The following KLF12 variants were observed in gnomAD, a reference collection of about 807,000 sequenced individuals.
KLF12 encodes KLF transcription factor 12.
Under a neutral mutation model 37.8 loss-of-function variants are expected in KLF12, and 9 were observed. The ratio of observed to expected loss-of-function variants is 0.24; its 90% CI spans 0.14 to 0.42. The LOEUF (loss-of-function observed/expected upper bound fraction) is 0.42. Among genes scored for constraint, KLF12 ranks in the 10% least tolerant of loss-of-function variants. The pLI is 1.00. For missense variants in KLF12, 411 were observed against 516.0 expected (o/e 0.80, Z 1.97); for synonymous variants, 208 against 202.1 (o/e 1.03, Z -0.25).
At chr13:73,948,125 G>A (rs1026420589) in intron 2 of KLF12, among the ~76,000 whole-genome samples, 3 of 151,988 alleles carry the variant, frequency 2.0e-5, no homozygotes, top group African/African-American at 4.8e-5. Flanking sequence ...AGAATATGTC[G>A]CCCCTGCCCC....
At chr13:74,040,524 G>C (rs975294721) in intron 1 of KLF12, among the ~76,000 whole-genome samples, 11 of 152,132 alleles carry the variant, frequency 7.2e-5, no homozygotes, top group African/African-American at 2.7e-4. Context: ...AAGACTTCCA[G>C]TATAAAAAAC....
chr13:73,930,279 G>A (rs1054987656), intron 3 of KLF12, among the ~76,000 whole-genome samples: 6 of 152,024 alleles, frequency 3.9e-5, no homozygotes, highest in Admixed American at 2.0e-4. Flanking sequence ...TTTAAAAAAC[G>A]CAAATATCTA....
chr13:74,200,872 T>C, the KLF12 span, among the ~76,000 whole-genome samples: 1 of 152,172 alleles, frequency 6.6e-6, no homozygotes, highest in Admixed American at 6.5e-5. Context: ...AGATGAACTT[T>C]ATGGGAATGT....
At chr13:74,245,901 A>T in the KLF12 span, among the ~76,000 whole-genome samples, 1 of 152,264 alleles carries the variant, frequency 6.6e-6, no homozygotes, top group African/African-American at 2.4e-5. Context: ...TGTATGTTAA[A>T]GTATCAATGA....
the KLF12 span, among the ~76,000 whole-genome samples, chr13:74,245,681 A>T: frequency 6.6e-6 from 1 of 152,182 alleles, no homozygotes; most frequent in Non-Finnish European, 1.5e-5. Flanking sequence ...TATTTTATAC[A>T]TAAAATTTGT....
At chr13:74,276,067 C>T in the KLF12 span, among the ~76,000 whole-genome samples, 7 of 151,442 alleles carry the variant, frequency 4.6e-5, no homozygotes, top group East Asian at 5.8e-4. Flanking sequence ...CCCATCAACC[C>T]GTCATCTAGG....
Position 73,749,100 on chromosome 13 carries a change from C to T in KLF12, c.869+15838G>A, listed in dbSNP as rs1291131185. ...CTTTTCAGTGTGTGTTCTAAGACCA[C>T]GGGCCCTCAGCTTGCTACAATCCTA... On this transcript the variant is annotated intron_variant, in intron 6 of 7. Transcript: ENST00000377669. Among the ~76,000 whole-genome samples the T allele has an allele frequency of 5.3e-5, 8 of 152,122 alleles. No homozygotes were observed. The East Asian group carries it at 5.8e-4, about 11-fold the overall frequency.
At chr13:74,235,932 T>C in the KLF12 span, among the ~76,000 whole-genome samples, 1 of 106,114 alleles carries the variant, frequency 9.4e-6, no homozygotes, top group African/African-American at 2.5e-5. Flanking sequence ...TTTTTTAGTT[T>C]ATTTTTTTTA....
chr13:74,013,180 G>A (rs576474909), intron 1 of KLF12, among the ~76,000 whole-genome samples: 1 of 152,346 alleles, frequency 6.6e-6, no homozygotes, highest in East Asian at 1.9e-4. Context: ...GGCTGTGCCT[G>A]AAGTTACCAA....
At chr13:74,265,138 T>G in the KLF12 span, among the ~76,000 whole-genome samples, 1 of 152,162 alleles carries the variant, frequency 6.6e-6, no homozygotes, top group Non-Finnish European at 1.5e-5. Context: ...ATGAGGGAAC[T>G]ACTAGTATCT....
At chr13:74,044,860 C>CAA (rs34045412) in intron 1 of KLF12, among the ~76,000 whole-genome samples, 39 of 96,840 alleles carry the variant, frequency 4.0e-4, no homozygotes, top group South Asian at 1.6e-3. Context: ...CAGAAAGTCT[C>CAA]AAAAAAAAAA....
intron 6 of KLF12, among the ~76,000 whole-genome samples, chr13:73,724,399 T>C (rs17090380): frequency 0.15 from 23,175 of 152,062 alleles, 2,911 homozygotes; most frequent in African/African-American, 0.35. Context: ...AGTACTTAAG[T>C]TAACATGAAT....
chr13:74,073,964 T>C (rs4384504), intron 1 of KLF12, among the ~76,000 whole-genome samples: 1,547 of 152,342 alleles, frequency 0.01, 20 homozygotes, highest in African/African-American at 0.035. Flanking sequence ...TGCCCCATTT[T>C]ATATTTTCAA....
At chr13:73,999,588 A>AG (rs1892216068) in intron 1 of KLF12, among the ~76,000 whole-genome samples, 1 of 151,226 alleles carries the variant, frequency 6.6e-6, no homozygotes, top group Admixed American at 6.6e-5. Context: ...AAAAAAAAAA[A>AG]AATTAGCCAG....
intron 1 of KLF12, among the ~76,000 whole-genome samples, chr13:74,078,161 A>G (rs1473132230): frequency 1.3e-5 from 2 of 152,216 alleles, no homozygotes; most frequent in Admixed American, 6.5e-5. Flanking sequence ...GGAACCTACA[A>G]GAGCAGATTT....
intron 3 of KLF12, among the ~76,000 whole-genome samples, chr13:73,937,210 A>T (rs1465493122): frequency 6.6e-6 from 1 of 152,070 alleles, no homozygotes; most frequent in Non-Finnish European, 1.5e-5. Context: ...AATAAATAAA[A>T]AAGGATATTT....
intron 6 of KLF12, among the ~76,000 whole-genome samples, chr13:73,762,922 T>C (rs943541755): frequency 1.3e-5 from 2 of 152,188 alleles, no homozygotes; most frequent in African/African-American, 2.4e-5. Context: ...GTATATATCA[T>C]AGAAATCTTA....
the KLF12 span, among the ~76,000 whole-genome samples, chr13:74,189,531 C>T: frequency 6.6e-6 from 1 of 152,134 alleles, no homozygotes; most frequent in Non-Finnish European, 1.5e-5. Context: ...GTTCCCTCTG[C>T]TAACTGTGGG....
intron 1 of KLF12, among the ~76,000 whole-genome samples, chr13:74,095,597 G>A (rs1875936812): frequency 6.6e-6 from 1 of 151,514 alleles, no homozygotes; most frequent in South Asian, 2.1e-4. Context: ...CTGCATAGCT[G>A]AGGCTGGTCT....
Sources: allele counts gnomAD v4.1 joint callset (sites outside exome capture counted in the v4.1 genomes callset), GRCh38; gene constraint gnomAD v4.1.1; transcripts MANE v1.5; gene names NCBI Gene and HGNC (gene_info 2026-07-23, HGNC 2026-07-21).